NLRC3: variants seen among roughly 807,000 people sequenced by gnomAD.
NLRC3 encodes the protein NLR family CARD domain containing 3, also known as NLR family CARD domain-containing protein 3.
NLRC3 carries 87 observed loss-of-function variants against 91.6 expected under a neutral mutation model. That is an observed-to-expected ratio of 0.95 (90% CI 0.80 to 1.14). The LOEUF (loss-of-function observed/expected upper bound fraction) is 1.14. Ranked by LOEUF, NLRC3 falls within the 50% of genes most tolerant of loss-of-function variation. NLRC3 has a pLI of 0.00. For synonymous variants in NLRC3, 694 were observed against 625.3 expected, an observed-to-expected ratio of 1.11 and a Z score of -1.64; for missense variants, 1,577 against 1,418.6, an observed-to-expected ratio of 1.11 and a Z score of -1.79.
In NLRC3 at chr16:3,564,294, G is replaced by T; in HGVS notation, c.643C>A (p.Leu215Ile). ...SLAVAVPARA[L>I]LILDGLDECR... ...TCATCCAAGCCGTCCAGGATCAGGAGGGCCCTGGCTGGGACTGCCACCGCC... is the reference window on the plus strand; with the variant it reads ...TCATCCAAGCCGTCCAGGATCAGGATGGCCCTGGCTGGGACTGCCACCGCC... The change falls in exon 5 of 20, where the codon CTC (leucine) becomes ATC (isoleucine). Residue 215 changes from leucine to isoleucine, a missense_variant. By Grantham distance (5) the Leu-to-Ile change is conservative (BLOSUM62 2). Transcript: ENST00000359128. This position sits in a 1 kb window ranked among gnomAD's most constrained non-coding sequence, Gnocchi z 5.9. 6.2e-7 allele frequency: 1 copy of T among 1,611,840 alleles called. No homozygotes were observed. Among genetic ancestry groups the T allele is most frequent in the Non-Finnish European group, 8.5e-7 (1 of 1,179,574 alleles).
intron 13 of NLRC3, among the ~76,000 whole-genome samples, 160 bp from the exon 14 acceptor site, chr16:3,548,913 C>T (rs1305073047): frequency 6.6e-6 from 1 of 152,200 alleles, no homozygotes; most frequent in Non-Finnish European, 1.5e-5. Flanking sequence ...ACATCCTCAT[C>T]CATCCCCACC....
At chr16:3,548,336 C>T in intron 14 of NLRC3, 118 bp from the exon 15 acceptor site, 1 of 776,172 alleles carries the variant, frequency 1.3e-6, no homozygotes, top group Middle Eastern at 2.3e-4. Flanking sequence ...CAGGAGAATT[C>T]CTGCAACCCC....
rs148098463 is a variant in NLRC3, at chr16:3,563,739, A to G, written c.1198T>C (p.Leu400=). The G allele has an allele frequency of 9.8e-4, 1,577 of 1,613,496 alleles. 16 individuals are homozygous for G. The African/African-American group carries it at 0.017, about 17-fold the overall frequency. ...AGCCCATGGAAGGCCAGACGGCCCA[A>G]TGTCCCCACCATCTTGCGGCCACCA... ...AHGGRKMVGT[L]GRLAFHGLLK... Residue 400 remains leucine (L), a synonymous_variant, in exon 5 of 20, where the codon TTG becomes CTG. Coordinates refer to ENST00000359128, the MANE Select transcript of NLRC3 (RefSeq NM_178844.4).
chr16:3,550,468 C>T lies in NLRC3; in HGVS notation c.2381G>A (p.Gly794Asp), dbSNP rs1401979851. 1 of 1,613,434 alleles carries T rather than the reference C, an allele frequency of 6.2e-7. No homozygotes were observed. Among genetic ancestry groups the T allele is most frequent in the Non-Finnish European group, 8.5e-7 (1 of 1,179,376 alleles). Residue 794 changes from glycine (G) to aspartate (D), a missense_variant, in exon 11 of 20, where the codon GGT (glycine) becomes GAT (aspartate). Coordinates refer to ENST00000359128, the MANE Select transcript of NLRC3 (RefSeq NM_178844.4). ...CAGGGCCTCAGCCAGGGCCTTGGCA[C>T]CTCCATCACCAATACTATTACTGGA... ...MFSSNSIGDG[G>D]AKALAEALKV...
rs368371112 is a variant in NLRC3 at position 3,544,290 on chromosome 16, C to T, written c.2811G>A (p.Ala937=). 61 of 1,613,340 alleles carry T rather than the reference C, an allele frequency of 3.8e-5. No homozygotes were observed. In the African/African-American group the frequency reaches 4.7e-4, roughly 12 times the overall value. Reference sequence around the variant, plus strand: ...TGTTGACCTTCAGTGCACGGGCCACCGCACACGCTCCGTCATCCCCGATGG... The same window carrying T: ...TGTTGACCTTCAGTGCACGGGCCACTGCACACGCTCCGTCATCCCCGATGG... ...ENAIGDDGAC[A]VARALKVNTA... Residue 937 remains alanine (A), a synonymous_variant, in exon 16 of 20, where the codon GCG becomes GCA. Transcript: ENST00000359128.
At chr16:3,568,867 A>T (rs1163846849) in intron 1 of NLRC3, among the ~76,000 whole-genome samples, 3 of 152,140 alleles carry the variant, frequency 2.0e-5, no homozygotes, top group Non-Finnish European at 4.4e-5. Context: ...CCTTATTTGT[A>T]TCTAGGTATT....
rs75394576 is a variant in NLRC3 at position 3,557,038 on chromosome 16, G to T, written c.2100-44C>A. ...AGACACCTCCTTCATCTGTCTCCCA[G>T]AGAGGGAAGGGGAAACAGAAACTGC... On this transcript the variant is annotated intron_variant, in intron 7 of 19. Transcript: ENST00000359128. The T allele has an allele frequency of 1.0e-4, 141 of 1,357,748 alleles. No individual in the cohort carries two copies. In the East Asian group the frequency reaches 2.8e-3, roughly 27 times the overall value. The allele number at this position is 1,357,748 out of a possible 1,614,324, so 84.1% of individuals were successfully genotyped here.
chr16:3,540,165 G>GGGTGCCT lies in NLRC3; in HGVS notation c.*1659_*1660insAGGCACC, dbSNP rs2038341180. On this transcript the variant is annotated 3_prime_UTR_variant, in exon 20 of 20. Transcript: ENST00000359128. ...GTACCTTTTTCCCTTTGTAAATTAG[G>GGGTGCCT]ATATCACCTTTGTGGGGTGCCGTTT... 2.0e-5 allele frequency: 3 copies of GGGTGCCT among 152,260 alleles called. No individual in the cohort carries two copies. The highest frequency in any genetic ancestry group is 7.2e-5 in the African/African-American group (3 of 41,548). 9.4% of individuals were successfully genotyped at this position (152,260 alleles called of 1,614,324 possible). A position where few individuals can be genotyped will look rare whatever the true frequency, so the allele number is the denominator to read the frequency against.
chr16:3,563,926 C>A lies in NLRC3; in HGVS notation c.1011G>T (p.Met337Ile). 1 of 1,593,334 alleles carries A rather than the reference C, an allele frequency of 6.3e-7. No homozygotes were observed. Among genetic ancestry groups the A allele is most frequent in the Non-Finnish European group, 8.5e-7 (1 of 1,171,530 alleles). The change falls in exon 5 of 20, where the codon ATG (methionine) becomes ATT (isoleucine). Residue 337 changes from methionine (M) to isoleucine (I), a missense_variant. By Grantham distance (10) the Met-to-Ile change is conservative (BLOSUM62 1). Transcript: ENST00000359128. ...TGCTGCGCCACAGGTGGCCTAGCGC[C>A]ATCCCCGTGAGCCTGCAGAAGGCTG... is the stretch of plus-strand genomic sequence containing the variant. ...TVPAFCRLTG[M>I]ALGHLWRSRT...
At chr16:3,568,432 T>G (rs74716057) in intron 1 of NLRC3, among the ~76,000 whole-genome samples, 1 of 152,108 alleles carries the variant, frequency 6.6e-6, no homozygotes, top group East Asian at 1.9e-4. Context: ...ATAAAAAATA[T>G]GGGATTTTGG....
At chr16:3,577,040 C>T (rs2040331844) in intron 1 of NLRC3, 109 bp downstream of exon 1, 1 of 696,926 alleles carries the variant, frequency 1.4e-6, no homozygotes, top group Admixed American at 2.0e-5. Flanking sequence ...CGTGGAGTCT[C>T]CCCAGTCCCC....
At position 3,564,035 on chromosome 16, in the gene NLRC3, A is replaced by T. The variant is rs1227110016; in HGVS notation, c.902T>A (p.Met301Lys). ...CAGAAGGGCCTGGTCCTCGGGGAAC[A>T]TCTGCTCCAAACACACCTTGATCTC... ...EEEIKVCLEQ[M>K]FPEDQALLGW... is the part of the protein sequence containing the mutation. Residue 301 changes from methionine (M) to lysine (K), a missense_variant, in exon 5 of 20, where the codon ATG becomes AAG. Met to Lys is a moderately conservative substitution (Grantham distance 95). Transcript: ENST00000359128. This position sits in a 1 kb window ranked among gnomAD's most constrained non-coding sequence, Gnocchi z 5.9. 1 of 1,611,774 alleles carries T rather than the reference A, an allele frequency of 6.2e-7. No homozygotes were observed. The highest frequency in any genetic ancestry group is 2.2e-5 in the East Asian group (1 of 44,878).
chr16:3,539,624 A>G lies in NLRC3; in HGVS notation c.*2201T>C, dbSNP rs1219370162. On this transcript the variant is annotated 3_prime_UTR_variant, in exon 20 of 20. Coordinates refer to ENST00000359128, the MANE Select transcript of NLRC3 (RefSeq NM_178844.4). Reference sequence around the variant, plus strand: ...CTTAACTCAGACAGAAACAATGCAAACCAGCAGACAGAGCATCACCTTGAA... The same window carrying G: ...CTTAACTCAGACAGAAACAATGCAAGCCAGCAGACAGAGCATCACCTTGAA... 1 of 152,218 alleles carries G rather than the reference A, an allele frequency of 6.6e-6. No individual in the cohort carries two copies. The highest frequency in any genetic ancestry group is 2.4e-5 in the African/African-American group (1 of 41,456). The allele number at this position is 152,218 out of a possible 1,614,324, so 9.4% of individuals were successfully genotyped here. A position where few individuals can be genotyped will look rare whatever the true frequency, so the allele number is the denominator to read the frequency against.
At chr16:3,565,214 TGGAA>T in intron 3 of NLRC3, 101 bp downstream of exon 3, 1 of 698,522 alleles carries the variant, frequency 1.4e-6, no homozygotes, top group Admixed American at 2.1e-5. Flanking sequence ...GAGAATGGAC[TGGAA>T]GGGCCATTTG....
chr16:3,565,093 C>A, intron 3 of NLRC3, 33 bp from the exon 4 acceptor site: 1 of 1,532,720 alleles, frequency 6.5e-7, no homozygotes, highest in Non-Finnish European at 8.9e-7. Context: ...TGCTGCCTGC[C>A]GTGCCCCCCA....
At position 3,544,278 on chromosome 16, in the gene NLRC3, T is replaced by G; in HGVS notation, c.2823A>C (p.Ala941=). Residue 941 remains alanine (A), a synonymous_variant, in exon 16 of 20, where the codon GCA becomes GCC. Transcript: ENST00000359128. ...GDDGACAVAR[A]LKVNTALTAL... ...CAGTGAGGGCTGTGTTGACCTTCAG[T>G]GCACGGGCCACCGCACACGCTCCGT... The G allele has an allele frequency of 1.2e-6, 2 of 1,613,208 alleles. No individual in the cohort carries two copies. Among genetic ancestry groups the G allele is most frequent in the South Asian group, 1.1e-5 (1 of 91,054 alleles).
chr16:3,563,293 C>A lies in NLRC3; in HGVS notation c.1644G>T (p.Glu548Asp). ...EHQAYRTQVA[E>D]LLQGCLRPDA... ...CGGGGCGCAGGCAGCCCTGCAGGAG[C>A]TCAGCCACCTGGGTCCGGTAGGCCT... Residue 548 changes from glutamate to aspartate, a missense_variant, in exon 5 of 20, where the codon GAG becomes GAT. Glu to Asp is a conservative substitution (Grantham distance 45). Coordinates refer to ENST00000359128, the MANE Select transcript of NLRC3 (RefSeq NM_178844.4). 6.2e-7 allele frequency: 1 copy of A among 1,602,360 alleles called. No homozygotes were observed. Among genetic ancestry groups the A allele is most frequent in the Non-Finnish European group, 8.5e-7 (1 of 1,175,438 alleles).
chr16:3,542,826 T>C (rs1458987455), intron 17 of NLRC3, 51 bp from the exon 18 acceptor site: 3 of 1,284,402 alleles, frequency 2.3e-6, no homozygotes, highest in Non-Finnish European at 3.3e-6. Flanking sequence ...TGAGAGGTGA[T>C]ACTGACCCCT....
chr16:3,555,739 CT>C (rs1247624222), intron 8 of NLRC3: 6 of 142,414 alleles, frequency 4.2e-5, no homozygotes, highest in African/African-American at 1.5e-4. Context: ...ACTTTTTGTA[CT>C]TTTCTTTTCT....
Sources: gnomAD v4.1 joint callset for allele counts (sites outside exome capture counted in the v4.1 genomes callset) on GRCh38, gnomAD v4.1.1 for gene constraint, Gnocchi (gnomAD v3.1) non-coding constraint, MANE v1.5 for transcripts, NCBI Gene and HGNC (gene_info 2026-07-23, HGNC 2026-07-21) for gene names.